Variants in PTMA observed in about 807,000 individuals in gnomAD.
PTMA encodes the protein gene sequence 28.
A neutral mutation model predicts 16.9 loss-of-function variants in PTMA; 4 were observed. The ratio of observed to expected loss-of-function variants is 0.24; its 90% confidence interval spans 0.12 to 0.54. PTMA has a LOEUF of 0.54. Among genes scored for constraint, PTMA ranks in the 20% least tolerant of loss-of-function variants. The pLI is 0.95. For synonymous variants in PTMA, 58 were observed against 47.9 expected (o/e 1.21, Z -0.87); for missense variants, 120 against 137.7 (o/e 0.87, Z 0.64).
intron 1 of PTMA, chr2:231,710,204 T>C (rs2048498700): frequency 1.5e-6 from 2 of 1,327,962 alleles, no homozygotes; most frequent in East Asian, 6.0e-5. Context: ...CCTGCCGGGG[T>C]GGCGGCAGTG....
chr2:231,711,535 A>AGT, intron 2 of PTMA, 116 bp downstream of exon 2: 1 of 974,042 alleles, frequency 1.0e-6, no homozygotes, highest in Non-Finnish European at 1.6e-6. Context: ...AGCTTTGCAC[A>AGT]GTGGCAGTAT....
Position 231,708,728 on chromosome 2 carries a change from A to G in PTMA, c.22A>G (p.Thr8Ala). MSDAAVD[T>A]SSEITTKDLK... Reference sequence around the variant, plus strand: ...CACCATGTCAGACGCAGCCGTAGACACCAGCTCCGAAATCACCACCAAGGT... The same window carrying G: ...CACCATGTCAGACGCAGCCGTAGACGCCAGCTCCGAAATCACCACCAAGGT... The change falls in exon 1 of 5, where the codon ACC becomes GCC. Residue 8 changes from threonine (T) to alanine (A), a missense_variant. Transcript: ENST00000409115. 6.2e-7 allele frequency: 1 copy of G among 1,603,592 alleles called. No homozygotes were observed. Among genetic ancestry groups the G allele is most frequent in the Non-Finnish European group, 8.5e-7 (1 of 1,179,616 alleles).
At chr2:231,708,886 G>C (rs2048475469) in intron 1 of PTMA, 135 bp downstream of exon 1, 1 of 1,100,670 alleles carries the variant, frequency 9.1e-7, no homozygotes, top group Non-Finnish European at 1.3e-6. Flanking sequence ...CCGGCGCGGT[G>C]CCCTCAGGCA....
chr2:231,713,324 G>T lies in PTMA; in HGVS notation c.*473G>T. ...GACAACAGAAAAACAATCTTATTCC[G>T]AGCATTCCAGTAACTTTTTTGTGTA... is the stretch of plus-strand genomic sequence containing the variant. On this transcript the variant is annotated 3_prime_UTR_variant, in exon 5 of 5. Coordinates refer to ENST00000409115, the MANE Select transcript of PTMA (RefSeq NM_002823.5). The T allele has an allele frequency of 2.0e-6, 1 of 508,796 alleles. No individual in the cohort carries two copies. The highest frequency in any genetic ancestry group is 4.0e-6 in the Non-Finnish European group (1 of 252,130). 31.5% of individuals were successfully genotyped at this position (508,796 alleles called of 1,614,324 possible). A position where few individuals can be genotyped will look rare whatever the true frequency, so the allele number is the denominator to read the frequency against.
intron 2 of PTMA, 122 bp from the exon 3 acceptor site, chr2:231,711,768 C>G: frequency 6.6e-7 from 1 of 1,520,562 alleles, no homozygotes; most frequent in Non-Finnish European, 8.8e-7. Flanking sequence ...CTGGGGTGGG[C>G]TTGGCTTGGC....
At chr2:231,712,707 G>C in intron 4 of PTMA, 97 bp from the exon 5 acceptor site, 1 of 1,450,394 alleles carries the variant, frequency 6.9e-7, no homozygotes, top group East Asian at 2.5e-5. Context: ...GTGGAGCTGG[G>C]GGTCCCTGGT....
intron 1 of PTMA, chr2:231,710,398 C>T (rs1351296608): frequency 6.9e-6 from 8 of 1,161,480 alleles, no homozygotes; most frequent in African/African-American, 3.3e-5. Context: ...GGATGCGCGC[C>T]TGCGCGCCGC....
rs538632948 is a variant in PTMA, at chr2:231,709,094, G to C, written c.45+343G>C. ...CCTGGCTGGGGGTCGTCGGCCCGCC[G>C]GGCGCACGGAAATAACTTTGAAACT... is the stretch of plus-strand genomic sequence containing the variant. On this transcript the variant is annotated intron_variant, in intron 1 of 4. Transcript: ENST00000409115. Among the ~76,000 whole-genome samples the C allele has an allele frequency of 2.0e-5, 3 of 152,294 alleles. No homozygotes were observed. In the South Asian group the frequency reaches 6.2e-4, roughly 32 times the overall value.
chr2:231,711,767 G>T, intron 2 of PTMA, 123 bp from the exon 3 acceptor site: 1 of 1,517,282 alleles, frequency 6.6e-7, no homozygotes, highest in African/African-American at 1.4e-5. Context: ...TCTGGGGTGG[G>T]CTTGGCTTGG....
intron 1 of PTMA, chr2:231,710,318 G>C: frequency 8.1e-7 from 1 of 1,237,862 alleles, no homozygotes; most frequent in African/African-American, 1.5e-5. Context: ...GACGCACTCG[G>C]CGGCCCCGGG....
rs1163345171 is a variant in PTMA, at chr2:231,711,325, T to A, written c.46-23T>A. 14 of 1,606,726 alleles carry A rather than the reference T, an allele frequency of 8.7e-6. No homozygotes were observed. The East Asian group carries it at 2.9e-4, about 33-fold the overall frequency. ...GTTGCTCAGAAGACTTACTGGTTAC[T>A]GGTTCCTTCTTCCCTTTTGAAGGAC... On this transcript the variant is annotated intron_variant, in intron 1 of 4. Transcript: ENST00000409115.
chr2:231,711,284 C>T (rs2048515011), intron 1 of PTMA, 64 bp from the exon 2 acceptor site: 4 of 1,379,906 alleles, frequency 2.9e-6, no homozygotes, highest in Non-Finnish European at 4.1e-6. Context: ...GTTCTCAGCG[C>T]CTTTGCTTAC....
In PTMA at chr2:231,708,705, C is replaced by T. The variant is rs779356580; in HGVS notation, c.-2C>T. On this transcript the variant is annotated 5_prime_UTR_variant, in exon 1 of 5. Coordinates refer to ENST00000409115, the MANE Select transcript of PTMA (RefSeq NM_002823.5). ...TGCATCGGATCACCGGCGTGCCCCACCATGTCAGACGCAGCCGTAGACACC... is the reference window on the plus strand; with the variant it reads ...TGCATCGGATCACCGGCGTGCCCCATCATGTCAGACGCAGCCGTAGACACC... 8 of 1,603,132 alleles carry T rather than the reference C, an allele frequency of 5.0e-6. No individual in the cohort carries two copies. The highest frequency in any genetic ancestry group is 6.8e-6 in the Non-Finnish European group (8 of 1,179,624).
chr2:231,711,886 G>T lies in PTMA; in HGVS notation c.118-4G>T, dbSNP rs112891703. The T allele has an allele frequency of 3.1e-6, 5 of 1,612,750 alleles. No individual in the cohort carries two copies. The South Asian group carries it at 5.5e-5, about 18-fold the overall frequency. The stretch of plus-strand genomic sequence containing the variant: ...AATGACATGGCCTGTTTTCTGTCGA[G>T]GAGAATGAGGAAAATGGGGAGCAGG... On this transcript the variant is annotated splice_polypyrimidine_tract_variant and splice_region_variant and intron_variant, in intron 2 of 4. Coordinates refer to ENST00000409115, the MANE Select transcript of PTMA (RefSeq NM_002823.5).
intron 1 of PTMA, among the ~76,000 whole-genome samples, chr2:231,710,924 T>C (rs1367689037): frequency 1.4e-5 from 2 of 147,966 alleles, no homozygotes; most frequent in Non-Finnish European, 2.9e-5. Flanking sequence ...CTTTGCCTTA[T>C]TTATTTTTGG....
Position 231,712,970 on chromosome 2 carries a change from A to T in PTMA, c.*119A>T, listed in dbSNP as rs1203805154. The stretch of plus-strand genomic sequence containing the variant: ...TTCGAGTAGAGAGGCCCGCCCGCCC[A>T]CCGTGGGCAGTGCCACCCGCAGATG... On this transcript the variant is annotated 3_prime_UTR_variant, in exon 5 of 5. Coordinates refer to ENST00000409115, the MANE Select transcript of PTMA (RefSeq NM_002823.5). 5.3e-6 allele frequency: 6 copies of T among 1,129,494 alleles called. No individual in the cohort carries two copies. The highest frequency in any genetic ancestry group is 7.5e-6 in the Non-Finnish European group (6 of 796,382). 70.0% of individuals were successfully genotyped at this position (1,129,494 alleles called of 1,614,324 possible).
chr2:231,708,598 C>G lies in PTMA; in HGVS notation c.-109C>G, dbSNP rs2048470549. ...CCTCCTTGCTCGCCGCAGCCGCCTC[C>G]GCCGCGCGCCTCCTCCGCCGCCGCG... On this transcript the variant is annotated 5_prime_UTR_variant, in exon 1 of 5. Coordinates refer to ENST00000409115, the MANE Select transcript of PTMA (RefSeq NM_002823.5). 9 of 1,421,692 alleles carry G rather than the reference C, an allele frequency of 6.3e-6. No homozygotes were observed. The South Asian group carries it at 9.2e-5, about 15-fold the overall frequency. 88.1% of individuals were successfully genotyped at this position (1,421,692 alleles called of 1,614,324 possible).
rs1559288069 is a variant in PTMA, at chr2:231,711,477, G to A, written c.117+58G>A. 1.2e-5 allele frequency: 18 copies of A among 1,530,630 alleles called. 1 individual carries two copies. The highest frequency in any genetic ancestry group is 1.6e-5 in the Non-Finnish European group (18 of 1,104,732). 94.8% of individuals were successfully genotyped at this position (1,530,630 alleles called of 1,614,324 possible). A position where few individuals can be genotyped will look rare whatever the true frequency, so the allele number is the denominator to read the frequency against. On this transcript the variant is annotated intron_variant, in intron 2 of 4. Transcript: ENST00000409115. ...GCTACCGCCCCACAAAATTTTTCCTGTTCTACTTTAAACATACCTATATAT... is the reference window on the plus strand; with the variant it reads ...GCTACCGCCCCACAAAATTTTTCCTATTCTACTTTAAACATACCTATATAT...
chr2:231,709,261 A>G (rs1167601562), intron 1 of PTMA, among the ~76,000 whole-genome samples: 4 of 151,742 alleles, frequency 2.6e-5, no homozygotes, highest in South Asian at 4.2e-4. Flanking sequence ...AGCGGACCTG[A>G]GGTGGTTTGT....
Sources: allele counts gnomAD v4.1 joint callset (sites outside exome capture counted in the v4.1 genomes callset), GRCh38; gene constraint gnomAD v4.1.1; transcripts MANE v1.5; gene names NCBI Gene and HGNC (gene_info 2026-07-23, HGNC 2026-07-21).